Variants in ADCY2 observed in about 807,000 individuals in gnomAD.
The protein encoded by ADCY2 is adenylate cyclase 2, also known as adenylate cyclase type 2.
In ADCY2, 31 loss-of-function variants were observed where a neutral mutation model predicts 125.2. The ratio of observed to expected loss-of-function variants is 0.25; its 90% confidence interval spans 0.19 to 0.33. The LOEUF is 0.33. Ranked by LOEUF, ADCY2 falls within the 10% of genes least tolerant of loss-of-function variation. ADCY2 has a pLI of 1.00. For missense variants in ADCY2, 904 were observed against 1,418.2 expected, an observed-to-expected ratio of 0.64 and a Z score of 5.82; for synonymous variants, 512 against 548.4, an observed-to-expected ratio of 0.93 and a Z score of 0.93.
At chr5:7,784,302 T>A in intron 18 of ADCY2, 63 bp from the exon 19 acceptor site, 1 of 1,175,192 alleles carries the variant, frequency 8.5e-7, no homozygotes, top group East Asian at 2.3e-5. Flanking sequence ...ATTCAAATTC[T>A]AAGTCCTGTA....
In ADCY2 at chr5:7,773,086, A is replaced by T. The variant is rs753550947; in HGVS notation, c.2369A>T (p.Gln790Leu). The change falls in exon 18 of 25, where the codon CAG becomes CTG. Residue 790 changes from glutamine (Q) to leucine (L), a missense_variant. Transcript: ENST00000338316. Reference protein sequence around the residue: ...THAHVLGDYSQVLFERPGIWK... With the variant: ...THAHVLGDYSLVLFERPGIWK... ...GCCCACGTCCTGGGCGACTACAGCC[A>T]GGTCTTATTTGAGAGGTGAGCCACG... The T allele has an allele frequency of 3.7e-6, 6 of 1,614,014 alleles. No homozygotes were observed. In the South Asian group the frequency reaches 6.6e-5, roughly 18 times the overall value.
At position 7,673,295 on chromosome 5, in the gene ADCY2, C is replaced by T. The variant is rs189045257; in HGVS notation, c.721-17396C>T. Reference sequence around the variant, plus strand: ...ATATATATATATATATAAAATTAGCCAGGTGTTGTGGAACATGCCTGTGGT... The same window carrying T: ...ATATATATATATATATAAAATTAGCTAGGTGTTGTGGAACATGCCTGTGGT... On this transcript the variant is annotated intron_variant, in intron 4 of 24. Transcript: ENST00000338316. Among the ~76,000 whole-genome samples the T allele has an allele frequency of 5.4e-3, 421 of 77,582 alleles. 4 individuals are homozygous for T. Among genetic ancestry groups the T allele is most frequent in the Admixed American group, 7.6e-3 (37 of 4,868 alleles). 50.9% of individuals were successfully genotyped at this position (77,582 alleles called of 152,430 possible). A position where few individuals can be genotyped will look rare whatever the true frequency, so the allele number is the denominator to read the frequency against.
In ADCY2 at chr5:7,811,077, C is replaced by T. The variant is rs369554594; in HGVS notation, c.2884-5789C>T. Among the ~76,000 whole-genome samples, 386 of 152,258 alleles carry T rather than the reference C, an allele frequency of 2.5e-3. 1 individual carries two copies. Among genetic ancestry groups the T allele is most frequent in the African/African-American group, 8.9e-3 (369 of 41,538 alleles). On this transcript the variant is annotated intron_variant, in intron 22 of 24. Coordinates refer to ENST00000338316, the MANE Select transcript of ADCY2 (RefSeq NM_020546.3). Reference sequence around the variant, plus strand: ...ACTCACAGTTTCTAACAGGTTGACACCCATTTCCCCCAACAACCTGGAAGG... The same window carrying T: ...ACTCACAGTTTCTAACAGGTTGACATCCATTTCCCCCAACAACCTGGAAGG...
intron 3 of ADCY2, among the ~76,000 whole-genome samples, chr5:7,598,381 AT>A (rs1737079930): frequency 6.6e-6 from 1 of 152,178 alleles, no homozygotes; most frequent in Admixed American, 6.5e-5. Flanking sequence ...ATCCTATACT[AT>A]TTTAAGAAGT....
chr5:7,807,155 G>C (rs1744781980), intron 22 of ADCY2, among the ~76,000 whole-genome samples: 1 of 152,194 alleles, frequency 6.6e-6, no homozygotes, highest in Admixed American at 6.5e-5. Context: ...TCCACAATCA[G>C]TGTCACTCTA....
chr5:7,436,987 A>G (rs1740828291), intron 2 of ADCY2, among the ~76,000 whole-genome samples: 1 of 152,092 alleles, frequency 6.6e-6, no homozygotes, highest in South Asian at 2.1e-4. Flanking sequence ...CTCCAGTGGT[A>G]TTTAAGGAGA....
rs565804900 is a variant in ADCY2 at position 7,633,328 on chromosome 5, C to T, written c.720+7012C>T. On this transcript the variant is annotated intron_variant, in intron 4 of 24. Transcript: ENST00000338316. ...CACCTGGAATCCCAGCTACTCTACT[C>T]GGGAGGCTAAGGCAGGAGAATTGCT... Among the ~76,000 whole-genome samples the T allele has an allele frequency of 9.8e-4, 148 of 151,254 alleles. 2 individuals carry two copies. Among genetic ancestry groups the T allele is most frequent in the African/African-American group, 3.4e-3 (142 of 41,230 alleles).
chr5:7,607,162 A>G, intron 3 of ADCY2, among the ~76,000 whole-genome samples: 1 of 152,198 alleles, frequency 6.6e-6, no homozygotes, highest in East Asian at 1.9e-4. Flanking sequence ...TATTCAGTAC[A>G]GCAGCCCTCC....
intron 1 of ADCY2, among the ~76,000 whole-genome samples, chr5:7,401,739 G>A (rs1047419224): frequency 6.6e-6 from 1 of 152,166 alleles, no homozygotes; most frequent in Non-Finnish European, 1.5e-5. Context: ...CTATTAAGCC[G>A]TGATTCTTAC....
At chr5:7,409,029 C>T (rs112058676) in intron 1 of ADCY2, among the ~76,000 whole-genome samples, 21,229 of 152,188 alleles carry the variant, frequency 0.14, 1,999 homozygotes, top group Non-Finnish European at 0.21. Flanking sequence ...TACATATACA[C>T]CATGGAATAC....
rs148420444 is a variant in ADCY2 at position 7,511,529 on chromosome 5, C to T, written c.409-9209C>T. Reference sequence around the variant, plus strand: ...GGCAGAGGCTGCAGTGAGCTGAGATCGCACCACTGCACTCCAGCCTGGGTG... The same window carrying T: ...GGCAGAGGCTGCAGTGAGCTGAGATTGCACCACTGCACTCCAGCCTGGGTG... On this transcript the variant is annotated intron_variant, in intron 2 of 24. Coordinates refer to ENST00000338316, the MANE Select transcript of ADCY2 (RefSeq NM_020546.3). 7.3e-3 allele frequency among the ~76,000 whole-genome samples: 1,110 copies of T among 151,856 alleles called. 18 individuals are homozygous for T. The highest frequency in any genetic ancestry group is 0.025 in the African/African-American group (1,040 of 41,408).
intron 2 of ADCY2, among the ~76,000 whole-genome samples, chr5:7,479,783 T>C (rs567978292): frequency 5.3e-5 from 8 of 152,290 alleles, no homozygotes; most frequent in Middle Eastern, 3.4e-3. Context: ...ATCCTTTTAC[T>C]CTCTAGCTTC....
chr5:7,761,366 T>G (rs961208604), intron 16 of ADCY2, among the ~76,000 whole-genome samples: 2 of 152,034 alleles, frequency 1.3e-5, no homozygotes, highest in African/African-American at 4.8e-5. Context: ...GCCAGGCTGG[T>G]CTTGAACTCC....
chr5:7,549,906 CTA>C (rs1407756423), intron 3 of ADCY2, among the ~76,000 whole-genome samples: 3 of 152,162 alleles, frequency 2.0e-5, no homozygotes, highest in Non-Finnish European at 4.4e-5. Context: ...TCAGATAAGT[CTA>C]TTTCCAGTAC....
intron 15 of ADCY2, among the ~76,000 whole-genome samples, chr5:7,755,559 G>A (rs897328596): frequency 6.6e-6 from 1 of 152,190 alleles, no homozygotes; most frequent in Non-Finnish European, 1.5e-5. Flanking sequence ...ACACTTGTAA[G>A]TCCTGTTGCA....
rs138133128 is a variant in ADCY2 at position 7,702,398 on chromosome 5, G to A, written c.1109+4024G>A. On this transcript the variant is annotated intron_variant, in intron 7 of 24. Transcript: ENST00000338316. ...CCCCGCTCCTCCCACCCCACGACAGGCCCCGGTATGTGATGTTCCCCTTCC... is the reference window on the plus strand; with the variant it reads ...CCCCGCTCCTCCCACCCCACGACAGACCCCGGTATGTGATGTTCCCCTTCC... 2.3e-4 allele frequency among the ~76,000 whole-genome samples: 35 copies of A among 151,728 alleles called. No homozygotes were observed. In the East Asian group the frequency reaches 6.4e-3, roughly 28 times the overall value.
At chr5:7,569,221 G>A (rs1280518404) in intron 3 of ADCY2, among the ~76,000 whole-genome samples, 6 of 152,078 alleles carry the variant, frequency 3.9e-5, no homozygotes, top group African/African-American at 1.2e-4. Flanking sequence ...TAAGGCAGGT[G>A]GGGATGGTTC....
At chr5:7,657,756 C>G (rs1366415) in intron 4 of ADCY2, among the ~76,000 whole-genome samples, 65,029 of 152,130 alleles carry the variant, frequency 0.43, 14,609 homozygotes, top group Non-Finnish European at 0.49. Flanking sequence ...TGTCTCCTCA[C>G]CATGAGGTTT....
At chr5:7,617,475 TTAG>T (rs1411860733) in intron 3 of ADCY2, among the ~76,000 whole-genome samples, 1 of 152,104 alleles carries the variant, frequency 6.6e-6, no homozygotes, top group Non-Finnish European at 1.5e-5. Context: ...TTTATTATTA[TTAG>T]TAGTAGTAGT....
Sources: gnomAD v4.1 joint callset for allele counts (sites outside exome capture counted in the v4.1 genomes callset) on GRCh38, gnomAD v4.1.1 for gene constraint, MANE v1.5 for transcripts, NCBI Gene and HGNC (gene_info 2026-07-23, HGNC 2026-07-21) for gene names.